Variants in SGO2 observed in about 807,000 individuals in gnomAD.
The protein encoded by SGO2 is shugoshin-like 2.
A neutral mutation model predicts 99.5 loss-of-function variants in SGO2; 68 were observed. The ratio of observed to expected loss-of-function variants is 0.68; its 90% CI spans 0.56 to 0.84. The LOEUF (loss-of-function observed/expected upper bound fraction) is 0.84, where lower values mean the gene tolerates loss of function less well. SGO2 is among the 40% of genes least tolerant of loss of function. SGO2 has a pLI of 0.00. For missense variants in SGO2, 1,350 were observed against 1,436.7 expected (o/e 0.94, Z 0.97); for synonymous variants, 457 against 487.1 (o/e 0.94, Z 0.81).
intron 4 of SGO2, among the ~76,000 whole-genome samples, chr2:200,538,921 T>C (rs2031827447): frequency 6.6e-6 from 1 of 152,122 alleles, no homozygotes; most frequent in Non-Finnish European, 1.5e-5. Flanking sequence ...CTATTGTTAG[T>C]TATAAGTGAG....
rs546831883 is a variant in SGO2 at position 200,541,688 on chromosome 2, T to TTGGG, written c.388-890_388-887dup. Among the ~76,000 whole-genome samples, 53 of 152,366 alleles carry TTGGG rather than the reference T, an allele frequency of 3.5e-4. 1 individual carries two copies. The South Asian group carries it at 9.7e-3, about 28-fold the overall frequency. ...CCAAATATGTCCTCCACTGACATTGTTGGGCGGGGATGTGCTCTTTAACAC... is the reference window on the plus strand; with the variant it reads ...CCAAATATGTCCTCCACTGACATTGTTGGGTGGGCGGGGATGTGCTCTTTAACAC... On this transcript the variant is annotated intron_variant, in intron 4 of 8. Transcript: ENST00000357799.
chr2:200,552,603 A>T (rs2032539916), intron 5 of SGO2, among the ~76,000 whole-genome samples: 1 of 152,162 alleles, frequency 6.6e-6, no homozygotes, highest in Non-Finnish European at 1.5e-5. Flanking sequence ...ATATAAGGTA[A>T]CTTCCTGACA....
intron 5 of SGO2, among the ~76,000 whole-genome samples, chr2:200,561,788 TTTGCA>T (rs2106333654): frequency 6.6e-6 from 1 of 152,298 alleles, no homozygotes; most frequent in African/African-American, 2.4e-5. Context: ...GTGGTTTTGA[TTTGCA>T]TTTCTCTGAT....
chr2:200,548,867 TATAAC>T (rs2032349570), intron 5 of SGO2, among the ~76,000 whole-genome samples: 1 of 152,166 alleles, frequency 6.6e-6, no homozygotes, highest in African/African-American at 2.4e-5. Context: ...TTTGGACACA[TATAAC>T]CTACCAAGAT....
At chr2:200,533,889 T>C (rs1212990701) in intron 2 of SGO2, among the ~76,000 whole-genome samples, 2 of 152,150 alleles carry the variant, frequency 1.3e-5, no homozygotes, top group Non-Finnish European at 2.9e-5. Context: ...TGGCTCTTGC[T>C]TACTCCCTTT....
chr2:200,564,223 C>T (rs1176974729), intron 5 of SGO2, among the ~76,000 whole-genome samples: 2 of 152,222 alleles, frequency 1.3e-5, no homozygotes, highest in African/African-American at 2.4e-5. Flanking sequence ...CCTCTAGACA[C>T]TGCTTTAAAT....
In SGO2 at chr2:200,570,479, TGTG is replaced by T. The variant is rs1559214892; in HGVS notation, c.704-570_704-568del. Among the ~76,000 whole-genome samples the T allele has an allele frequency of 2.5e-4, 2 of 8,156 alleles. No individual in the cohort carries two copies. Among genetic ancestry groups the T allele is most frequent in the Admixed American group, 9.4e-4 (1 of 1,060 alleles). The allele number at this position is 8,156 out of a possible 152,430, so 5.4% of individuals were successfully genotyped here. A position where few individuals can be genotyped will look rare whatever the true frequency, so the allele number is the denominator to read the frequency against. ...TAGAATTGTTTTTCCTTTCTGAAAA[TGTG>T]TGTGTGTGTGTGTGTGTGTGTGTGT... On this transcript the variant is annotated intron_variant, in intron 6 of 8. Coordinates refer to ENST00000357799, the MANE Select transcript of SGO2 (RefSeq NM_152524.6). This position sits in a 1 kb window ranked among gnomAD's most constrained non-coding sequence, Gnocchi z 4.4.
chr2:200,566,690 G>C (rs2106338658), intron 5 of SGO2, among the ~76,000 whole-genome samples: 1 of 152,320 alleles, frequency 6.6e-6, no homozygotes, highest in East Asian at 1.9e-4. Context: ...GAGGCAGTCA[G>C]GCCTCCTTGA....
chr2:200,569,938 A>C, intron 6 of SGO2, 46 bp downstream of exon 6: 1 of 1,239,566 alleles, frequency 8.1e-7, no homozygotes, highest in South Asian at 1.3e-5. Flanking sequence ...TATTAGTTAC[A>C]TTCATCAGAT....
intron 7 of SGO2, 65 bp from the exon 8 acceptor site, chr2:200,575,246 C>A: frequency 2.0e-6 from 2 of 999,498 alleles, no homozygotes; most frequent in South Asian, 2.6e-5. Context: ...CACTATATAG[C>A]TCATATCTAT....
intron 1 of SGO2, among the ~76,000 whole-genome samples, chr2:200,528,316 C>A (rs980979109): frequency 6.6e-6 from 1 of 152,042 alleles, no homozygotes; most frequent in Admixed American, 6.6e-5. Context: ...ACACCATTCA[C>A]GTAGCTATAG....
intron 4 of SGO2, among the ~76,000 whole-genome samples, chr2:200,542,242 A>T (rs1010103646): frequency 2.6e-5 from 4 of 152,202 alleles, no homozygotes; most frequent in Non-Finnish European, 5.9e-5. Context: ...GTATTATAAA[A>T]TTCAATAAAA....
rs570250319 is a variant in SGO2, at chr2:200,562,574, G to T, written c.474-7089G>T. 2.0e-3 allele frequency among the ~76,000 whole-genome samples: 297 copies of T among 152,156 alleles called. 5 individuals are homozygous for T. Among genetic ancestry groups the T allele is most frequent in the Non-Finnish European group, 3.5e-4 (24 of 67,958 alleles). ...TGTTTCCACATGAACTTTAAAGTAG[G>T]TTTTTCCAATTCTGTGAAGGAAGTC... is the stretch of plus-strand genomic sequence containing the variant. On this transcript the variant is annotated intron_variant, in intron 5 of 8. Coordinates refer to ENST00000357799, the MANE Select transcript of SGO2 (RefSeq NM_152524.6).
intron 5 of SGO2, among the ~76,000 whole-genome samples, chr2:200,553,099 G>A (rs1219516334): frequency 6.6e-6 from 1 of 152,178 alleles, no homozygotes; most frequent in African/African-American, 2.4e-5. Context: ...GAGGAGCTCA[G>A]TCAGAAGGCA....
chr2:200,567,212 C>T (rs1251600479), intron 5 of SGO2, among the ~76,000 whole-genome samples: 1 of 152,192 alleles, frequency 6.6e-6, no homozygotes, highest in African/African-American at 2.4e-5. Flanking sequence ...ATCTTGGAAC[C>T]TCTCTTATTC....
Position 200,575,472 on chromosome 2 carries a change from C to G in SGO2, c.3782+11C>G. 6.5e-7 allele frequency: 1 copy of G among 1,533,392 alleles called. No homozygotes were observed. Among genetic ancestry groups the G allele is most frequent in the Non-Finnish European group, 8.8e-7 (1 of 1,133,488 alleles). 95.0% of individuals were successfully genotyped at this position (1,533,392 alleles called of 1,614,324 possible). On this transcript the variant is annotated intron_variant, in intron 8 of 8. Coordinates refer to ENST00000357799, the MANE Select transcript of SGO2 (RefSeq NM_152524.6). ...GCCAAGCCTCAGAGAGTAAGTATTTCAAATGATTTTAGTATGCCATTATAA... is the reference window on the plus strand; with the variant it reads ...GCCAAGCCTCAGAGAGTAAGTATTTGAAATGATTTTAGTATGCCATTATAA...
chr2:200,529,296 GACTT>G (rs2106298332), intron 1 of SGO2, among the ~76,000 whole-genome samples: 1 of 152,284 alleles, frequency 6.6e-6, no homozygotes, highest in African/African-American at 2.4e-5. Context: ...TAGTTTCTAA[GACTT>G]ACTTATTCAT....
At chr2:200,541,470 C>T (rs1440164661) in intron 4 of SGO2, among the ~76,000 whole-genome samples, 1 of 152,218 alleles carries the variant, frequency 6.6e-6, no homozygotes, top group Non-Finnish European at 1.5e-5. Context: ...CCTAAACCTT[C>T]CCCTCATTCC....
chr2:200,547,084 T>C (rs1303984617), intron 5 of SGO2, among the ~76,000 whole-genome samples: 3 of 151,924 alleles, frequency 2.0e-5, no homozygotes, highest in African/African-American at 7.3e-5. Flanking sequence ...ATAATCAAAC[T>C]CTCAAAGGTC....
Sources: gnomAD v4.1 joint callset for allele counts (sites outside exome capture counted in the v4.1 genomes callset) on GRCh38, gnomAD v4.1.1 for gene constraint, Gnocchi (gnomAD v3.1) non-coding constraint, MANE v1.5 for transcripts, NCBI Gene and HGNC (gene_info 2026-07-23, HGNC 2026-07-21) for gene names.